The following STAG2 variants were observed in gnomAD, a reference collection of about 807,000 sequenced individuals.
The protein encoded by STAG2 is cohesin subunit SA-2.
STAG2 carries 14 observed loss-of-function variants against 108.1 expected under a neutral mutation model. That is an observed-to-expected ratio of 0.13 (90% CI 0.09 to 0.20). STAG2 has a LOEUF of 0.20. Among genes scored for constraint, STAG2 ranks in the 10% least tolerant of loss-of-function variants. STAG2 has a pLI of 1.00. For synonymous variants in STAG2, 307 were observed against 302.7 expected (o/e 1.01, Z -0.15); for missense variants, 440 against 940.9 (o/e 0.47, Z 6.96).
At chrX:123,983,974 C>CTTTTCTTTTTTTTTTTTTTTTTTT (rs1168788249) in intron 1 of STAG2, among the ~76,000 whole-genome samples, 1 of 61,478 alleles carries the variant, frequency 1.6e-5, no homozygotes, top group Non-Finnish European at 2.8e-5. Flanking sequence ...CTTTTCTTTT[C>CTTTTCTTTTTTTTTTTTTTTTTTT]TTTTTTTTTT....
At chrX:124,087,624 G>A (rs1159232896) in intron 30 of STAG2, among the ~76,000 whole-genome samples, 5 of 112,063 alleles carry the variant, frequency 4.5e-5, no homozygotes, top group Non-Finnish European at 7.5e-5. Flanking sequence ...CAAGTGTCCC[G>A]AAAGACCAGA....
At chrX:124,098,361 C>T (rs1041537022) in intron 34 of STAG2, among the ~76,000 whole-genome samples, 1 of 110,969 alleles carries the variant, frequency 9.0e-6, no homozygotes, top group African/African-American at 3.3e-5. Flanking sequence ...AGTCTTTGAC[C>T]ATGTAATTTT....
Position 123,987,144 on chromosome X carries a change from C to T in STAG2, c.-163+25288C>T, listed in dbSNP as rs1303112279. ...AGTAGCTGGGATTACAGGTGTGCGC[C>T]ACCATGCCCAGCTAATTTTTGTGTT... On this transcript the variant is annotated intron_variant, in intron 1 of 34. Transcript: ENST00000371145. Among the ~76,000 whole-genome samples, 3 of 109,870 alleles carry T rather than the reference C, an allele frequency of 2.7e-5. No individual in the cohort carries two copies. The Admixed American group carries it at 2.9e-4, about 11-fold the overall frequency.
intron 34 of STAG2, among the ~76,000 whole-genome samples, chrX:124,098,164 T>A (rs751645815): frequency 9.9e-5 from 11 of 111,259 alleles, no homozygotes; most frequent in African/African-American, 3.3e-4. Context: ...TTCTCATGTA[T>A]ATTGAATGTT....
chrX:124,045,043 T>C (rs765768523), intron 7 of STAG2, 121 bp from the exon 8 acceptor site: 17 of 582,801 alleles, frequency 2.9e-5, no homozygotes, highest in Admixed American at 6.2e-5. Context: ...TGAGGATTTA[T>C]TGGAGAAGAA....
At chrX:124,069,858 T>C (rs1029282318) in intron 24 of STAG2, among the ~76,000 whole-genome samples, 4 of 112,002 alleles carry the variant, frequency 3.6e-5, no homozygotes, top group Non-Finnish European at 7.5e-5. Flanking sequence ...AGATTTCTGA[T>C]GGTAGTAAAT....
At chrX:124,035,360 G>A (rs2057485315) in intron 5 of STAG2, among the ~76,000 whole-genome samples, 1 of 111,576 alleles carries the variant, frequency 9.0e-6, no homozygotes, top group African/African-American at 3.3e-5. Flanking sequence ...AACTCTACTT[G>A]ATCTTAATGA....
At chrX:124,034,508 T>G (rs1047214771) in intron 5 of STAG2, among the ~76,000 whole-genome samples, 6 of 112,252 alleles carry the variant, frequency 5.3e-5, no homozygotes, top group Non-Finnish European at 1.1e-4. Context: ...TTCCAAGGGT[T>G]CTTATCTAAA....
chrX:124,054,527 ATAAAG>A (rs1307004711), intron 13 of STAG2, among the ~76,000 whole-genome samples: 2 of 112,130 alleles, frequency 1.8e-5, no homozygotes, highest in African/African-American at 3.2e-5. Flanking sequence ...GAATTCTGAA[ATAAAG>A]TAACAGTATG....
chrX:123,979,060 C>G, intron 1 of STAG2, among the ~76,000 whole-genome samples: 1 of 110,897 alleles, frequency 9.0e-6, no homozygotes, highest in East Asian at 2.8e-4. Context: ...GATATTATAC[C>G]CATTTTATGG....
intron 23 of STAG2, among the ~76,000 whole-genome samples, chrX:124,066,892 C>T (rs896508750): frequency 8.9e-6 from 1 of 111,876 alleles, no homozygotes; most frequent in Admixed American, 9.5e-5. Flanking sequence ...GCTATTAGTA[C>T]ATATAGAGCT....
intron 1 of STAG2, among the ~76,000 whole-genome samples, chrX:124,020,191 C>G (rs2056878230): frequency 8.9e-6 from 1 of 112,284 alleles, no homozygotes; most frequent in Admixed American, 9.5e-5. Context: ...TTAGTATTCT[C>G]TGCTTCTCAG....
chrX:123,983,636 T>C (rs950371051), intron 1 of STAG2, among the ~76,000 whole-genome samples: 5 of 111,628 alleles, frequency 4.5e-5, no homozygotes, highest in Admixed American at 9.6e-5. Context: ...TTTGACATAA[T>C]TCTTTTGAAA....
chrX:124,046,627 G>A (rs1004055323), intron 8 of STAG2, among the ~76,000 whole-genome samples: 2 of 112,152 alleles, frequency 1.8e-5, no homozygotes, highest in Non-Finnish European at 3.8e-5. Flanking sequence ...AGCAAAAAGT[G>A]ATCAGATCTT....
Position 124,050,216 on chromosome X carries a change from C to T in STAG2, c.924C>T (p.Cys308=), listed in dbSNP as rs767393479. 2.5e-6 allele frequency: 3 copies of T among 1,209,893 alleles called. No homozygotes were observed. Among genetic ancestry groups the T allele is most frequent in the South Asian group, 3.5e-5 (2 of 56,575 alleles). The part of the protein sequence containing the change: ...RDAIAEIRAI[C]IEEIGIWMKM... ...CGATAGCTGAAATTCGAGCTATTTG[C>T]ATTGAAGAGATTGGCATTTGGATGA... Residue 308 remains cysteine (C), a synonymous_variant, in exon 11 of 35, where the codon TGC becomes TGT. Transcript: ENST00000371145.
chrX:124,086,472 A>G (rs192180711), intron 29 of STAG2, 75 bp from the exon 30 acceptor site: 18 of 787,272 alleles, frequency 2.3e-5, no homozygotes, highest in Admixed American at 5.1e-5. Context: ...TAATATGCCT[A>G]TGCTCGCACA....
intron 1 of STAG2, among the ~76,000 whole-genome samples, chrX:123,985,238 C>T (rs763757366): frequency 3.6e-5 from 4 of 110,653 alleles, no homozygotes; most frequent in Non-Finnish European, 7.6e-5. Context: ...ACCGTTTATT[C>T]CTTTTTTTTG....
At chrX:123,995,026 A>G (rs751007069) in intron 1 of STAG2, among the ~76,000 whole-genome samples, 1 of 111,679 alleles carries the variant, frequency 9.0e-6, no homozygotes, top group African/African-American at 3.2e-5. Context: ...ACCTCTGCAA[A>G]CTCCTATTTT....
chrX:124,089,760 C>G (rs1390452876), intron 30 of STAG2, among the ~76,000 whole-genome samples: 2 of 111,695 alleles, frequency 1.8e-5, no homozygotes, highest in Middle Eastern at 4.6e-3. Context: ...CTTTATCCAG[C>G]CTTGTCTTTT....
Sources: gnomAD v4.1 joint callset for allele counts (sites outside exome capture counted in the v4.1 genomes callset) on GRCh38, gnomAD v4.1.1 for gene constraint, MANE v1.5 for transcripts, NCBI Gene and HGNC (gene_info 2026-07-23, HGNC 2026-07-21) for gene names.